Variants in MTHFSD observed in about 807,000 individuals in gnomAD.
The protein encoded by MTHFSD is methenyltetrahydrofolate synthetase domain containing, also known as methenyltetrahydrofolate synthase domain-containing protein.
MTHFSD carries 37 observed loss-of-function variants against 31.1 expected under a neutral mutation model. The observed-to-expected ratio is 1.19, with a 90% CI of 0.91 to 1.56. MTHFSD has a LOEUF of 1.56. MTHFSD is among the 40% of genes most tolerant of loss of function. The pLI, the probability that MTHFSD is intolerant of heterozygous loss-of-function variation, is 0.00. For synonymous variants in MTHFSD, 221 were observed against 206.9 expected, an observed-to-expected ratio of 1.07 and a Z score of -0.59; for missense variants, 664 against 510.1, an observed-to-expected ratio of 1.30 and a Z score of -2.91.
intron 2 of MTHFSD, 81 bp from the exon 3 acceptor site, chr16:86,552,227 T>G (rs187687975): frequency 6.2e-7 from 1 of 1,613,410 alleles, no homozygotes; most frequent in Non-Finnish European, 8.5e-7. Context: ...CAGGATTTAC[T>G]TTAATGGTCC....
At chr16:86,541,515 C>G (rs1453614356) in intron 7 of MTHFSD, 182 bp downstream of exon 7, 3 of 826,336 alleles carry the variant, frequency 3.6e-6, no homozygotes, top group Non-Finnish European at 3.7e-6. Context: ...GATCCATACG[C>G]AGATTCTTAG....
intron 2 of MTHFSD, chr16:86,553,853 A>G (rs930859572): frequency 6.6e-6 from 1 of 152,434 alleles, no homozygotes; most frequent in Non-Finnish European, 1.5e-5. Context: ...CTTTATGTCT[A>G]GCTAAGGGAT....
chr16:86,541,981 G>A (rs1458982895), intron 6 of MTHFSD, 120 bp downstream of exon 6: 9 of 1,341,612 alleles, frequency 6.7e-6, no homozygotes, highest in Non-Finnish European at 9.3e-6. Context: ...GTCCAGCCCT[G>A]GCTGATCCAC....
At position 86,542,896 on chromosome 16, in the gene MTHFSD, G is replaced by A. The variant is rs1971720976; in HGVS notation, c.443-683C>T. Among the ~76,000 whole-genome samples, 1 of 152,308 alleles carries A rather than the reference G, an allele frequency of 6.6e-6. No individual in the cohort carries two copies. Among genetic ancestry groups the A allele is most frequent in the African/African-American group, 2.4e-5 (1 of 41,572 alleles). Reference sequence around the variant, plus strand: ...ACATCAAATGCCTTCTGGCCCCCATGGAGAAGCTACAATTCCGCTTATGAG... The same window carrying A: ...ACATCAAATGCCTTCTGGCCCCCATAGAGAAGCTACAATTCCGCTTATGAG... On this transcript the variant is annotated intron_variant, in intron 5 of 7. Coordinates refer to ENST00000360900, the MANE Select transcript of MTHFSD (RefSeq NM_001159377.2). This position sits in a 1 kb window ranked among gnomAD's most constrained non-coding sequence, Gnocchi z 4.6.
chr16:86,543,098 T>C (rs1001296984), intron 5 of MTHFSD, among the ~76,000 whole-genome samples: 1 of 152,032 alleles, frequency 6.6e-6, no homozygotes, highest in African/African-American at 2.4e-5. Context: ...AACAGAAAAA[T>C]AGCAAAGGAT....
chr16:86,534,188 C>G (rs1168956467), intron 7 of MTHFSD, among the ~76,000 whole-genome samples: 2 of 152,368 alleles, frequency 1.3e-5, no homozygotes, highest in Non-Finnish European at 2.9e-5. Flanking sequence ...GCGCTCTTTT[C>G]TAATCACAAG....
chr16:86,548,237 C>A, intron 4 of MTHFSD: 1 of 997,158 alleles, frequency 1.0e-6, no homozygotes, highest in Non-Finnish European at 1.4e-6. Context: ...TTATAATTTG[C>A]CAATTTCGTG....
At chr16:86,540,901 G>C in intron 7 of MTHFSD, 1 of 1,124,926 alleles carries the variant, frequency 8.9e-7, no homozygotes, top group South Asian at 2.1e-5. Flanking sequence ...CACCTGCAGG[G>C]AAAGTCCCGG....
chr16:86,546,764 G>A, intron 4 of MTHFSD, 115 bp from the exon 5 acceptor site: 1 of 858,650 alleles, frequency 1.2e-6, no homozygotes, highest in Non-Finnish European at 1.9e-6. Flanking sequence ...AACAGATGCA[G>A]GCACACGCAA....
intron 5 of MTHFSD, among the ~76,000 whole-genome samples, chr16:86,545,214 A>C (rs1291424670): frequency 6.6e-6 from 1 of 152,208 alleles, no homozygotes; most frequent in Non-Finnish European, 1.5e-5. Flanking sequence ...GGAACTTAAA[A>C]AAAAAAGATA....
At chr16:86,533,874 C>CA (rs1282461069) in intron 7 of MTHFSD, 3 of 152,250 alleles carry the variant, frequency 2.0e-5, no homozygotes, top group Non-Finnish European at 4.4e-5. Context: ...TAGAGGCTCT[C>CA]AGTCTTCTCT....
intron 2 of MTHFSD, chr16:86,552,414 T>A: frequency 3.8e-6 from 3 of 782,778 alleles, no homozygotes; most frequent in Non-Finnish European, 2.0e-6. Flanking sequence ...AAGAAACATC[T>A]AAGGAAGCAG....
rs371482947 is a variant in MTHFSD at position 86,548,511 on chromosome 16, G to C, written c.304C>G (p.Pro102Ala). Reference protein sequence around the residue: ...RTGLFNKITPPPGATKDILRK... With the variant: ...RTGLFNKITPAPGATKDILRK... ...AAGATGTCTTTAGTTGCCCCAGGGG[G>C]TGGTGTGATCTTATTAAACAATCCC... Residue 102 changes from proline to alanine, a missense_variant, in exon 4 of 8, where the codon CCC (proline) becomes GCC (alanine). Physicochemically the swap from Pro to Ala is conservative, Grantham distance 27. Coordinates refer to ENST00000360900, the MANE Select transcript of MTHFSD (RefSeq NM_001159377.2). 3 of 1,613,912 alleles carry C rather than the reference G, an allele frequency of 1.9e-6. No homozygotes were observed. Among genetic ancestry groups the C allele is most frequent in the East Asian group, 2.2e-5 (1 of 44,872 alleles).
rs1231011674 is a variant in MTHFSD, at chr16:86,542,355, C to T, written c.443-142G>A. 4.5e-6 allele frequency: 3 copies of T among 671,786 alleles called. No individual in the cohort carries two copies. Among genetic ancestry groups the T allele is most frequent in the African/African-American group, 3.6e-5 (2 of 55,156 alleles). The allele number at this position is 671,786 out of a possible 1,614,324, so 41.6% of individuals were successfully genotyped here. The stretch of plus-strand genomic sequence containing the variant: ...TAGAAATTTTCACAGAAATGCCCAC[C>T]AAATGCCCACAAGCAGCCCACACTG... On this transcript the variant is annotated intron_variant, in intron 5 of 7. Transcript: ENST00000360900. The surrounding 1 kb of genome is among the most constrained non-coding windows in gnomAD (Gnocchi z 4.6).
intron 4 of MTHFSD, chr16:86,547,646 TTCCTTTGC>T: frequency 1.4e-6 from 1 of 723,888 alleles, no homozygotes; most frequent in Non-Finnish European, 1.7e-6. Flanking sequence ...ATCTTTCTTT[TTCCTTTGC>T]TCCTTTCTCT....
intron 7 of MTHFSD, chr16:86,533,122 G>A (rs765608150): frequency 2.0e-5 from 3 of 152,242 alleles, no homozygotes; most frequent in Non-Finnish European, 4.4e-5. Flanking sequence ...AATCAGTAAC[G>A]CTATGCGAAA....
chr16:86,542,515 T>A lies in MTHFSD; in HGVS notation c.443-302A>T, dbSNP rs1351556334. The A allele has an allele frequency of 6.8e-6, 2 of 292,732 alleles. No individual in the cohort carries two copies. The highest frequency in any genetic ancestry group is 4.4e-5 in the African/African-American group (2 of 45,768). 18.1% of individuals were successfully genotyped at this position (292,732 alleles called of 1,614,324 possible). A position where few individuals can be genotyped will look rare whatever the true frequency, so the allele number is the denominator to read the frequency against. Reference sequence around the variant, plus strand: ...GATCACACTCATGTCAGCTTTATGTTAGCAAGACTCATACTTAAAAAGAAT... The same window carrying A: ...GATCACACTCATGTCAGCTTTATGTAAGCAAGACTCATACTTAAAAAGAAT... On this transcript the variant is annotated intron_variant, in intron 5 of 7. Transcript: ENST00000360900. The surrounding 1 kb of genome is among the most constrained non-coding windows in gnomAD (Gnocchi z 4.6).
intron 2 of MTHFSD, chr16:86,553,635 C>G (rs1973525864): frequency 6.4e-6 from 1 of 156,886 alleles, no homozygotes; most frequent in Admixed American, 6.5e-5. Context: ...TGAGCCTCCC[C>G]ACCCCCACCG....
intron 7 of MTHFSD, among the ~76,000 whole-genome samples, chr16:86,536,749 T>C (rs953011865): frequency 6.6e-6 from 1 of 152,268 alleles, no homozygotes; most frequent in Non-Finnish European, 1.5e-5. Flanking sequence ...CCTTGGCTCC[T>C]GCCTGGCCCT....
Sources: gnomAD v4.1 joint callset for allele counts (sites outside exome capture counted in the v4.1 genomes callset) on GRCh38, gnomAD v4.1.1 for gene constraint, Gnocchi (gnomAD v3.1) non-coding constraint, MANE v1.5 for transcripts, NCBI Gene and HGNC (gene_info 2026-07-23, HGNC 2026-07-21) for gene names.